Variants in EDN1 observed in about 807,000 individuals in gnomAD.
The protein encoded by EDN1 is endothelin-1.
EDN1 carries 11 observed loss-of-function variants against 21.7 expected under a neutral mutation model. The ratio of observed to expected loss-of-function variants is 0.51; its 90% CI spans 0.32 to 0.84. The LOEUF (loss-of-function observed/expected upper bound fraction) is 0.84. Ranked by LOEUF, EDN1 falls within the 40% of genes least tolerant of loss-of-function variation. EDN1 has a pLI of 0.03. For missense variants in EDN1, 244 were observed against 262.3 expected (o/e 0.93, Z 0.48); for synonymous variants, 85 against 90.6 (o/e 0.94, Z 0.35).
At chr6:12,271,242 T>C in the EDN1 span, among the ~76,000 whole-genome samples, 1 of 152,160 alleles carries the variant, frequency 6.6e-6, no homozygotes, top group East Asian at 1.9e-4. Flanking sequence ...GGTTGTTTTG[T>C]TTATCTTCTG....
the EDN1 span, among the ~76,000 whole-genome samples, chr6:12,244,430 C>A: frequency 6.6e-6 from 1 of 152,220 alleles, no homozygotes; most frequent in Non-Finnish European, 1.5e-5. Flanking sequence ...TTTACACAAG[C>A]AGGTACAAGT....
At chr6:12,237,806 G>A in the EDN1 span, among the ~76,000 whole-genome samples, 1 of 152,152 alleles carries the variant, frequency 6.6e-6, no homozygotes, top group African/African-American at 2.4e-5. Flanking sequence ...CTCCCAAACT[G>A]CATCGTCTGA....
At chr6:12,233,397 A>G in the EDN1 span, among the ~76,000 whole-genome samples, 2 of 152,176 alleles carry the variant, frequency 1.3e-5, no homozygotes, top group African/African-American at 4.8e-5. Context: ...TATCTAGTCT[A>G]CCCGCCTTCT....
At chr6:12,292,628 T>A in intron 2 of EDN1, 119 bp downstream of exon 2, 2 of 1,197,734 alleles carry the variant, frequency 1.7e-6, no homozygotes, top group Non-Finnish European at 2.5e-6. Context: ...ACCATCCAAG[T>A]GCCTCAGTGG....
chr6:12,284,568 A>G, the EDN1 span, among the ~76,000 whole-genome samples: 1 of 149,580 alleles, frequency 6.7e-6, no homozygotes. Context: ...AAGGAAAAGC[A>G]AGCAAGCAAG....
chr6:12,292,963 C>G (rs1019565702), intron 2 of EDN1, among the ~76,000 whole-genome samples: 2 of 152,132 alleles, frequency 1.3e-5, no homozygotes, highest in African/African-American at 4.8e-5. Flanking sequence ...AACCTAGGCT[C>G]AAAGTGTTGA....
the EDN1 span, among the ~76,000 whole-genome samples, chr6:12,269,185 C>T: frequency 6.6e-6 from 1 of 152,116 alleles, no homozygotes; most frequent in East Asian, 1.9e-4. Context: ...AATTTTGCAT[C>T]CTGAAACTTA....
chr6:12,290,782 C>A, intron 1 of EDN1, 89 bp downstream of exon 1: 1 of 1,240,788 alleles, frequency 8.1e-7, no homozygotes, highest in Non-Finnish European at 1.2e-6. Context: ...CTATTTTTCC[C>A]CGTTCTTTTT....
upstream of EDN1, among the ~76,000 whole-genome samples, chr6:12,288,382 G>A (rs910466734): frequency 1.3e-5 from 2 of 152,214 alleles, no homozygotes; most frequent in South Asian, 4.1e-4. Flanking sequence ...GGTCGGCTTT[G>A]GAGAGGGAGG....
chr6:12,235,207 T>C, the EDN1 span, among the ~76,000 whole-genome samples: 1 of 152,198 alleles, frequency 6.6e-6, no homozygotes, highest in African/African-American at 2.4e-5. Context: ...AAGAGGTAGA[T>C]GGTTCTAAAG....
chr6:12,284,752 A>G, the EDN1 span, among the ~76,000 whole-genome samples: 54 of 126,632 alleles, frequency 4.3e-4, no homozygotes, highest in African/African-American at 9.7e-4. Context: ...AGGAAGGAAG[A>G]AAGAAAGAAA....
At chr6:12,275,610 T>C in the EDN1 span, among the ~76,000 whole-genome samples, 1 of 152,146 alleles carries the variant, frequency 6.6e-6, no homozygotes, top group Non-Finnish European at 1.5e-5. Flanking sequence ...TTTATAAATG[T>C]AACGTTTCTC....
chr6:12,291,225 C>G (rs141448964), intron 1 of EDN1, among the ~76,000 whole-genome samples: 1,595 of 99,668 alleles, frequency 0.016, 24 homozygotes, highest in Non-Finnish European at 0.025. Context: ...CCTCCCCCCC[C>G]CCCCGCCACC....
chr6:12,259,351 A>G, the EDN1 span, among the ~76,000 whole-genome samples: 2 of 151,558 alleles, frequency 1.3e-5, no homozygotes, highest in Admixed American at 1.3e-4. Context: ...AGCAGCATAG[A>G]GATTTAAAGT....
the EDN1 span, among the ~76,000 whole-genome samples, chr6:12,255,948 A>G: frequency 6.6e-6 from 1 of 152,208 alleles, no homozygotes; most frequent in Non-Finnish European, 1.5e-5. Context: ...GGTACACAAT[A>G]AAGAGGGATC....
upstream of EDN1, among the ~76,000 whole-genome samples, chr6:12,287,684 T>TCC (rs1762576479): frequency 1.6e-5 from 2 of 125,092 alleles, no homozygotes; most frequent in African/African-American, 6.7e-5. Flanking sequence ...TCTCTCTCTC[T>TCC]CTCCCTCTCT....
At chr6:12,287,712 T>TCTCTCTCTCTCA (rs1380647005), upstream of EDN1, among the ~76,000 whole-genome samples, 1 of 103,050 alleles carries the variant, frequency 9.7e-6, no homozygotes, top group African/African-American at 3.8e-5. Context: ...TCTCTCTCTC[T>TCTCTCTCTCTCA]CACACACACA....
At chr6:12,255,399 T>C in the EDN1 span, among the ~76,000 whole-genome samples, 2 of 152,180 alleles carry the variant, frequency 1.3e-5, no homozygotes, top group Admixed American at 6.5e-5. Context: ...GGAATAACAA[T>C]TCTTAGAAAA....
chr6:12,241,235 G>C, the EDN1 span, among the ~76,000 whole-genome samples: 12 of 148,810 alleles, frequency 8.1e-5, no homozygotes, highest in Admixed American at 1.4e-4. Context: ...GTGTGATCTT[G>C]GCTCACCGCA....
Sources: allele counts gnomAD v4.1 joint callset (sites outside exome capture counted in the v4.1 genomes callset), GRCh38; gene constraint gnomAD v4.1.1; transcripts MANE v1.5; gene names NCBI Gene and HGNC (gene_info 2026-07-23, HGNC 2026-07-21).